NME7: variants seen among roughly 807,000 people sequenced by gnomAD.
The protein encoded by NME7 is nucleoside diphosphate kinase 7.
Under a neutral mutation model 49.1 loss-of-function variants are expected in NME7, and 41 were observed. The observed-to-expected ratio is 0.83, with a 90% confidence interval of 0.65 to 1.08. The LOEUF (loss-of-function observed/expected upper bound fraction) is 1.08, where lower values mean the gene tolerates loss of function less well. Ranked by LOEUF, NME7 falls within the 50% of genes least tolerant of loss-of-function variation. The pLI, the probability that NME7 is intolerant of heterozygous loss-of-function variation, is 0.00. For missense variants in NME7, 423 were observed against 463.4 expected, an observed-to-expected ratio of 0.91 and a Z score of 0.80; for synonymous variants, 139 against 150.6, an observed-to-expected ratio of 0.92 and a Z score of 0.56.
At chr1:169,350,904 A>C (rs1415863997) in intron 1 of NME7, among the ~76,000 whole-genome samples, 1 of 152,174 alleles carries the variant, frequency 6.6e-6, no homozygotes, top group Non-Finnish European at 1.5e-5. Context: ...GTATGTCCCA[A>C]CTAGTTTCTT....
At chr1:169,206,562 T>C (rs796807303) in intron 10 of NME7, among the ~76,000 whole-genome samples, 42 of 152,294 alleles carry the variant, frequency 2.8e-4, no homozygotes, top group African/African-American at 9.6e-4. Context: ...TTTTGTCTTA[T>C]GCAAAGACAA....
rs1422519342 is a variant in NME7, at chr1:169,258,405, T to TATATATACAC, written c.755-20719_755-20718insGTGTATATAT. On this transcript the variant is annotated intron_variant, in intron 7 of 11. Coordinates refer to ENST00000367811, the MANE Select transcript of NME7 (RefSeq NM_013330.5). ...ATATATATATATATATATATATATA[T>TATATATACAC]ACACACACACACACACACATACACA... is the stretch of plus-strand genomic sequence containing the variant. Among the ~76,000 whole-genome samples the TATATATACAC allele has an allele frequency of 7.0e-4, 48 of 68,776 alleles. 1 individual carries two copies. The highest frequency in any genetic ancestry group is 2.4e-3 in the African/African-American group (45 of 19,038). 45.1% of individuals were successfully genotyped at this position (68,776 alleles called of 152,430 possible).
At chr1:169,319,951 T>G (rs1205355588) in intron 3 of NME7, among the ~76,000 whole-genome samples, 2 of 152,228 alleles carry the variant, frequency 1.3e-5, no homozygotes, top group African/African-American at 4.8e-5. Flanking sequence ...TTGATTTTTA[T>G]AAACTTCTTA....
intron 4 of NME7, among the ~76,000 whole-genome samples, chr1:169,306,559 G>T (rs957576153): frequency 6.6e-6 from 1 of 152,284 alleles, no homozygotes; most frequent in South Asian, 2.1e-4. Context: ...ATATCAGGTA[G>T]GTATGAGGAA....
intron 7 of NME7, among the ~76,000 whole-genome samples, chr1:169,273,218 C>G (rs556098505): frequency 7.6e-6 from 1 of 131,280 alleles, no homozygotes; most frequent in African/African-American, 2.6e-5. Flanking sequence ...TAGCCTCCCA[C>G]CCCCTGACAG....
intron 10 of NME7, among the ~76,000 whole-genome samples, chr1:169,211,333 G>C (rs961224406): frequency 6.6e-6 from 1 of 152,086 alleles, no homozygotes; most frequent in Non-Finnish European, 1.5e-5. Flanking sequence ...TCATACCTAG[G>C]AGGCTGAGAT....
At chr1:169,358,752 T>C (rs1285157879) in intron 1 of NME7, among the ~76,000 whole-genome samples, 2 of 152,104 alleles carry the variant, frequency 1.3e-5, no homozygotes, top group Non-Finnish European at 2.9e-5. Flanking sequence ...GACATATGTA[T>C]GTAATGTATA....
intron 6 of NME7, among the ~76,000 whole-genome samples, chr1:169,291,688 C>T (rs1178754061): frequency 6.6e-6 from 1 of 151,716 alleles, no homozygotes; most frequent in African/African-American, 2.4e-5. Flanking sequence ...ATAGACACAG[C>T]CACTTCAACC....
chr1:169,201,699 C>G (rs924146175), intron 10 of NME7, among the ~76,000 whole-genome samples: 1 of 152,028 alleles, frequency 6.6e-6, no homozygotes, highest in African/African-American at 2.4e-5. Flanking sequence ...AGCACAGAAG[C>G]AAGTTTGCAA....
intron 11 of NME7, 105 bp from the exon 12 acceptor site, chr1:169,132,922 T>G (rs1286655150): frequency 2.7e-6 from 2 of 733,766 alleles, no homozygotes; most frequent in African/African-American, 3.6e-5. Flanking sequence ...GGCATACCCC[T>G]TCCCAAAGAC....
At chr1:169,200,760 C>A (rs1660524352) in intron 10 of NME7, among the ~76,000 whole-genome samples, 1 of 152,168 alleles carries the variant, frequency 6.6e-6, no homozygotes, top group Non-Finnish European at 1.5e-5. Context: ...ACAATAGAAG[C>A]TCTTGCCCAT....
At chr1:169,188,105 CAG>C (rs1246213963) in intron 10 of NME7, among the ~76,000 whole-genome samples, 3 of 152,160 alleles carry the variant, frequency 2.0e-5, no homozygotes, top group African/African-American at 7.2e-5. Flanking sequence ...AGGGTTTCTG[CAG>C]AGAGATCTGC....
chr1:169,275,324 C>A (rs1324739172), intron 7 of NME7, among the ~76,000 whole-genome samples: 2 of 128,494 alleles, frequency 1.6e-5, no homozygotes, highest in African/African-American at 5.2e-5. Flanking sequence ...AAAAAAAATA[C>A]AAAAATTAGC....
chr1:169,132,765 C>T lies in NME7; in HGVS notation c.*20G>A, dbSNP rs1557955097. 1.9e-6 allele frequency: 3 copies of T among 1,610,486 alleles called. No individual in the cohort carries two copies. The highest frequency in any genetic ancestry group is 3.3e-5 in the Admixed American group (2 of 59,756). On this transcript the variant is annotated 3_prime_UTR_variant, in exon 12 of 12. Transcript: ENST00000367811. ...CTTGTCTAAATGTCCCAACCTGTGA[C>T]TTCTTTACTTTCCACACCACTAATT...
chr1:169,341,313 G>C (rs1652691398), intron 1 of NME7, among the ~76,000 whole-genome samples: 1 of 152,244 alleles, frequency 6.6e-6, no homozygotes, highest in African/African-American at 2.4e-5. Context: ...GCCGACACAT[G>C]GTGTTGGGAT....
chr1:169,264,394 G>C (rs1355109472), intron 7 of NME7, among the ~76,000 whole-genome samples: 1 of 133,790 alleles, frequency 7.5e-6, no homozygotes, highest in East Asian at 2.0e-4. Flanking sequence ...AACAGAAATA[G>C]AGACAAATCT....
At chr1:169,304,419 T>C (rs1000787228) in intron 4 of NME7, among the ~76,000 whole-genome samples, 3 of 152,218 alleles carry the variant, frequency 2.0e-5, no homozygotes, top group Non-Finnish European at 4.4e-5. Flanking sequence ...TAAGATTTTA[T>C]CAGGATATTA....
At chr1:169,346,773 A>G (rs78566263) in intron 1 of NME7, among the ~76,000 whole-genome samples, 6,636 of 152,308 alleles carry the variant, frequency 0.044, 209 homozygotes, top group East Asian at 0.12. Flanking sequence ...CATATATCAG[A>G]TATCTATTAA....
At chr1:169,212,400 C>T (rs1660851057) in intron 10 of NME7, among the ~76,000 whole-genome samples, 1 of 151,912 alleles carries the variant, frequency 6.6e-6, no homozygotes, top group Admixed American at 6.6e-5. Flanking sequence ...TGTGAATTTA[C>T]CTACTCACTG....
Sources: gnomAD v4.1 joint callset for allele counts (sites outside exome capture counted in the v4.1 genomes callset) on GRCh38, gnomAD v4.1.1 for gene constraint, MANE v1.5 for transcripts, NCBI Gene and HGNC (gene_info 2026-07-23, HGNC 2026-07-21) for gene names.